DOCK3: variants seen among roughly 807,000 people sequenced by gnomAD.
DOCK3 encodes dedicator of cytokinesis protein 3.
DOCK3 carries 60 observed loss-of-function variants against 265.6 expected under a neutral mutation model. The ratio of observed to expected loss-of-function variants is 0.23; its 90% CI spans 0.18 to 0.28. The LOEUF (loss-of-function observed/expected upper bound fraction) is 0.28, where lower values mean the gene tolerates loss of function less well. Among genes scored for constraint, DOCK3 ranks in the 10% least tolerant of loss-of-function variants. The pLI is 1.00. For synonymous variants in DOCK3, 881 were observed against 938.0 expected (o/e 0.94, Z 1.11); for missense variants, 1,981 against 2,594.3 (o/e 0.76, Z 5.14).
chr3:50,863,377 A>G (rs375475596), intron 3 of DOCK3: 4 of 517,240 alleles, frequency 7.7e-6, no homozygotes, highest in Admixed American at 2.0e-5. Flanking sequence ...GTGCTTGACA[A>G]GTTCCCAAAT....
chr3:50,855,440 G>T (rs2046541228), intron 3 of DOCK3, among the ~76,000 whole-genome samples: 1 of 152,020 alleles, frequency 6.6e-6, no homozygotes, highest in Non-Finnish European at 1.5e-5. Flanking sequence ...ATGGGATTGA[G>T]TTCTTGATTT....
intron 5 of DOCK3, among the ~76,000 whole-genome samples, chr3:51,017,131 T>C (rs1440858432): frequency 1.3e-5 from 2 of 149,916 alleles, no homozygotes; most frequent in Non-Finnish European, 3.0e-5. Flanking sequence ...TAGGAATTTA[T>C]TCATTTTTTT....
intron 23 of DOCK3, among the ~76,000 whole-genome samples, chr3:51,269,832 T>C (rs970954240): frequency 2.0e-5 from 3 of 152,282 alleles, no homozygotes; most frequent in Middle Eastern, 3.4e-3. Flanking sequence ...CTAGAAACTT[T>C]ATGTAAAAAT....
intron 5 of DOCK3, among the ~76,000 whole-genome samples, chr3:51,007,252 T>C (rs1173543700): frequency 6.6e-6 from 1 of 152,188 alleles, no homozygotes; most frequent in African/African-American, 2.4e-5. Context: ...AGTGTAAAAG[T>C]GTTCCTATTT....
rs969577542 is a variant in DOCK3, at chr3:51,357,022, C to T, written c.4564C>T (p.Arg1522Cys). 2.0e-5 allele frequency: 33 copies of T among 1,613,312 alleles called. No homozygotes were observed. Among genetic ancestry groups the T allele is most frequent in the South Asian group, 3.3e-5 (3 of 91,052 alleles). ...GGTTGAGAATAAGAACCAGGAGCTA[C>T]GCTCCCTGATCAGCCAGTATCAACA... The part of the protein sequence containing the change: ...QVVENKNQEL[R>C]SLISQYQHKQ... Residue 1522 changes from arginine to cysteine, a missense_variant, in exon 44 of 53, where the codon CGC becomes TGC. Physicochemically the swap from Arg to Cys is radical, Grantham distance 180 (BLOSUM62 -3). Coordinates refer to ENST00000266037, the MANE Select transcript of DOCK3 (RefSeq NM_004947.5).
chr3:51,253,008 G>A (rs1478360981), intron 22 of DOCK3, among the ~76,000 whole-genome samples: 1 of 152,102 alleles, frequency 6.6e-6, no homozygotes, highest in Admixed American at 6.6e-5. Context: ...TTTGTCATAA[G>A]TAGCTCGTAT....
At chr3:50,720,672 A>G (rs1201173697) in intron 1 of DOCK3, among the ~76,000 whole-genome samples, 1 of 151,996 alleles carries the variant, frequency 6.6e-6, no homozygotes, top group African/African-American at 2.4e-5. Context: ...GGGATTGCTG[A>G]TTGGATATAT....
chr3:51,357,118 G>A lies in DOCK3; in HGVS notation c.4660G>A (p.Gly1554Arg). ...TGGTGTCATTGATGCAGCTGTCAAT[G>A]GAGGCATTGCACGCTATCAGGAGGT... ...LNGVIDAAVNGGIARYQEAFF... is the reference protein window; with the variant it reads ...LNGVIDAAVNRGIARYQEAFF... Residue 1554 changes from glycine to arginine, a missense_variant, in exon 44 of 53, where the codon GGA becomes AGA. Gly to Arg is a moderately radical substitution (Grantham distance 125). Transcript: ENST00000266037. 6.2e-7 allele frequency: 1 copy of A among 1,612,416 alleles called. No homozygotes were observed. Among genetic ancestry groups the A allele is most frequent in the East Asian group, 2.2e-5 (1 of 44,876 alleles).
intron 37 of DOCK3, among the ~76,000 whole-genome samples, chr3:51,340,506 TA>T (rs2085170128): frequency 6.6e-6 from 1 of 152,226 alleles, no homozygotes; most frequent in Non-Finnish European, 1.5e-5. Context: ...AATAAATGGT[TA>T]GAAATGAGAT....
At chr3:50,985,589 A>T (rs1253219927) in intron 5 of DOCK3, among the ~76,000 whole-genome samples, 1 of 152,146 alleles carries the variant, frequency 6.6e-6, no homozygotes, top group Non-Finnish European at 1.5e-5. Context: ...GAACAGGCAG[A>T]TATTAGGCTA....
intron 22 of DOCK3, among the ~76,000 whole-genome samples, chr3:51,251,740 C>A (rs4309718): frequency 0.81 from 119,549 of 148,336 alleles, 48,623 homozygotes; most frequent in Middle Eastern, 0.88. Flanking sequence ...TGTTTAAGTT[C>A]TTTGTAGATT....
chr3:50,794,510 T>G (rs1212751566), intron 2 of DOCK3, among the ~76,000 whole-genome samples: 1 of 152,214 alleles, frequency 6.6e-6, no homozygotes, highest in Non-Finnish European at 1.5e-5. Context: ...TTTTTTGATC[T>G]TCGTTGGTTT....
At chr3:50,852,676 A>G (rs2046397237) in intron 3 of DOCK3, among the ~76,000 whole-genome samples, 1 of 152,064 alleles carries the variant, frequency 6.6e-6, no homozygotes, top group Non-Finnish European at 1.5e-5. Context: ...AAGTCTAACT[A>G]GGTTTTTGTT....
chr3:51,098,695 C>G (rs2082963931), intron 9 of DOCK3, among the ~76,000 whole-genome samples: 1 of 152,200 alleles, frequency 6.6e-6, no homozygotes, highest in Admixed American at 6.5e-5. Flanking sequence ...TCCTTCGACC[C>G]TAGGCCCCAT....
At chr3:51,135,101 G>A (rs1023953101) in intron 9 of DOCK3, among the ~76,000 whole-genome samples, 2 of 152,134 alleles carry the variant, frequency 1.3e-5, no homozygotes, top group Non-Finnish European at 2.9e-5. Context: ...TTTCAGACAT[G>A]GGTTTTTAGC....
At chr3:50,711,301 G>C (rs2036751586) in intron 1 of DOCK3, among the ~76,000 whole-genome samples, 2 of 141,408 alleles carry the variant, frequency 1.4e-5, no homozygotes, top group Non-Finnish European at 3.0e-5. Flanking sequence ...TTGCTCTGTT[G>C]CCCAGACTGG....
chr3:51,184,316 CA>C (rs34084936), intron 12 of DOCK3, among the ~76,000 whole-genome samples: 71 of 137,878 alleles, frequency 5.1e-4, no homozygotes, highest in Admixed American at 7.5e-4. Flanking sequence ...TGCTTTGAAA[CA>C]AAAAAAAAAA....
Position 51,036,039 on chromosome 3 carries a change from T to C in DOCK3, c.316-28409T>C, listed in dbSNP as rs180943990. Among the ~76,000 whole-genome samples the C allele has an allele frequency of 1.5e-3, 232 of 152,276 alleles. 2 individuals are homozygous for C. Among genetic ancestry groups the C allele is most frequent in the East Asian group, 7.9e-3 (41 of 5,184 alleles). ...AGAGTTTTAGCAGATATGAAGACAGTAGATGTCCTTAGGGCAAAGTATCTA... is the reference window on the plus strand; with the variant it reads ...AGAGTTTTAGCAGATATGAAGACAGCAGATGTCCTTAGGGCAAAGTATCTA... On this transcript the variant is annotated intron_variant, in intron 5 of 52. Coordinates refer to ENST00000266037, the MANE Select transcript of DOCK3 (RefSeq NM_004947.5).
intron 1 of DOCK3, among the ~76,000 whole-genome samples, chr3:50,771,226 A>G (rs914324350): frequency 2.0e-5 from 3 of 152,248 alleles, no homozygotes; most frequent in Non-Finnish European, 4.4e-5. Context: ...ACCAGAATAT[A>G]TAAGGAGCTC....
Sources: gnomAD v4.1 joint callset for allele counts (sites outside exome capture counted in the v4.1 genomes callset) on GRCh38, gnomAD v4.1.1 for gene constraint, MANE v1.5 for transcripts, NCBI Gene and HGNC (gene_info 2026-07-23, HGNC 2026-07-21) for gene names.